The following PDE3B variants were observed in gnomAD, a reference collection of about 807,000 sequenced individuals.
PDE3B encodes the protein phosphodiesterase 3B.
In PDE3B, 66 loss-of-function variants were observed where a neutral mutation model predicts 116.8. The ratio of observed to expected loss-of-function variants is 0.56; its 90% confidence interval spans 0.46 to 0.69. PDE3B has a LOEUF of 0.69. Among genes scored for constraint, PDE3B ranks in the 30% least tolerant of loss-of-function variants. The pLI is 0.00. For missense variants in PDE3B, 1,384 were observed against 1,368.1 expected, an observed-to-expected ratio of 1.01 and a Z score of -0.18; for synonymous variants, 595 against 533.6, an observed-to-expected ratio of 1.12 and a Z score of -1.59.
intron 4 of PDE3B, among the ~76,000 whole-genome samples, chr11:14,790,508 A>C (rs1253552910): frequency 1.3e-5 from 2 of 152,196 alleles, no homozygotes; most frequent in South Asian, 2.1e-4. Flanking sequence ...ACAGCAATGC[A>C]TTTGCAGTTA....
At chr11:14,893,193 A>G in the PDE3B span, among the ~76,000 whole-genome samples, 1 of 152,282 alleles carries the variant, frequency 6.6e-6, no homozygotes, top group African/African-American at 2.4e-5. Context: ...AATAAGAGCA[A>G]CAAAGTCCTT....
chr11:14,652,554 C>G (rs1455795027), intron 1 of PDE3B, among the ~76,000 whole-genome samples: 1 of 152,008 alleles, frequency 6.6e-6, no homozygotes, highest in Non-Finnish European at 1.5e-5. Flanking sequence ...TGGTAAAAAC[C>G]ATAAAATTTA....
At chr11:14,884,671 T>TA in the PDE3B span, among the ~76,000 whole-genome samples, 1 of 151,666 alleles carries the variant, frequency 6.6e-6, no homozygotes, top group African/African-American at 2.4e-5. Context: ...CCCTAAAACT[T>TA]AAAGTATAAT....
chr11:14,717,298 T>C (rs1308875235), intron 1 of PDE3B, among the ~76,000 whole-genome samples: 5 of 119,904 alleles, frequency 4.2e-5, no homozygotes, highest in Non-Finnish European at 6.8e-5. Flanking sequence ...GTCTGATTGG[T>C]GTACCTGAAA....
At position 14,803,985 on chromosome 11, in the gene PDE3B, T is replaced by C; in HGVS notation, c.1457T>C (p.Leu486Pro). The part of the protein sequence containing the change: ...YLNGPFNSNL[L>P]TIPKQRSSSV... The stretch of plus-strand genomic sequence containing the variant: ...AATGGGCCTTTTAATTCAAATCTAC[T>C]GACTATCCCGAAGCAAAGGTCATCT... Residue 486 changes from leucine (L) to proline (P), a missense_variant, in exon 5 of 16, where the codon CTG (leucine) becomes CCG (proline). Physicochemically the swap from Leu to Pro is moderately conservative, Grantham distance 98. This residue lies in a region of PDE3B where 956 missense variants were observed against 806.8 expected (regional missense o/e 1.18). Coordinates refer to ENST00000282096, the MANE Select transcript of PDE3B (RefSeq NM_000922.4). The C allele has an allele frequency of 6.2e-7, 1 of 1,611,544 alleles. No homozygotes were observed. Among genetic ancestry groups the C allele is most frequent in the Non-Finnish European group, 8.5e-7 (1 of 1,177,664 alleles).
chr11:14,651,750 A>G (rs1219179747), intron 1 of PDE3B, among the ~76,000 whole-genome samples: 2 of 152,230 alleles, frequency 1.3e-5, no homozygotes, highest in Non-Finnish European at 2.9e-5. Flanking sequence ...CCAACACACT[A>G]TATTGAAAAG....
chr11:14,882,162 A>G, the PDE3B span, among the ~76,000 whole-genome samples: 1 of 152,086 alleles, frequency 6.6e-6, no homozygotes, highest in African/African-American at 2.4e-5. Flanking sequence ...AACACCTACT[A>G]TGTTCCAGGC....
chr11:14,702,631 T>C (rs1387735347), intron 1 of PDE3B, among the ~76,000 whole-genome samples: 2 of 151,762 alleles, frequency 1.3e-5, no homozygotes, highest in Non-Finnish European at 2.9e-5. Context: ...ACTAGCTACA[T>C]ATGGCTATTA....
chr11:14,714,082 T>A (rs1412847055), intron 1 of PDE3B, among the ~76,000 whole-genome samples: 6 of 152,068 alleles, frequency 3.9e-5, no homozygotes, highest in Non-Finnish European at 8.8e-5. Flanking sequence ...AAAAAATGAC[T>A]GTAGCAGGTT....
At chr11:14,883,682 A>T in the PDE3B span, among the ~76,000 whole-genome samples, 1 of 152,074 alleles carries the variant, frequency 6.6e-6, no homozygotes, top group African/African-American at 2.4e-5. Context: ...AAATTGACAA[A>T]TGGGATCTAA....
At chr11:14,796,039 C>T (rs981933542) in intron 4 of PDE3B, among the ~76,000 whole-genome samples, 9 of 152,238 alleles carry the variant, frequency 5.9e-5, no homozygotes, top group Non-Finnish European at 1.0e-4. Context: ...CCCCACCCCC[C>T]GACAGGCCCT....
At chr11:14,742,637 G>T (rs2133866962) in intron 1 of PDE3B, among the ~76,000 whole-genome samples, 1 of 152,334 alleles carries the variant, frequency 6.6e-6, no homozygotes, top group Admixed American at 6.5e-5. Flanking sequence ...GTGAGGAGTT[G>T]TGATCCTTTA....
intron 13 of PDE3B, 123 bp downstream of exon 13, chr11:14,859,369 A>G (rs1460842621): frequency 1.7e-6 from 1 of 581,736 alleles, no homozygotes; most frequent in African/African-American, 1.9e-5. Context: ...AATAGTTGAT[A>G]TAAAATAATA....
In PDE3B at chr11:14,764,550, A is replaced by G. The variant is rs555743325; in HGVS notation, c.979-7387A>G. On this transcript the variant is annotated intron_variant, in intron 1 of 15. Transcript: ENST00000282096. ...ATATAGTACTGTTTATTAAATGACA[A>G]ATATAAGATGCTACAGCATAATGGT... Among the ~76,000 whole-genome samples the G allele has an allele frequency of 2.0e-4, 31 of 152,234 alleles. No individual in the cohort carries two copies. In the South Asian group the frequency reaches 6.2e-3, roughly 31 times the overall value.
chr11:14,729,005 C>G (rs1478296722), intron 1 of PDE3B, among the ~76,000 whole-genome samples: 1 of 152,086 alleles, frequency 6.6e-6, no homozygotes, highest in African/African-American at 2.4e-5. Context: ...TGAAGAGATA[C>G]CCGTGAACCA....
intron 7 of PDE3B, among the ~76,000 whole-genome samples, chr11:14,829,417 CT>C (rs1859801778): frequency 6.6e-6 from 1 of 151,998 alleles, no homozygotes; most frequent in Admixed American, 6.6e-5. Context: ...AGTTTGGGCT[CT>C]ATCTTATATG....
At chr11:14,812,479 G>A (rs1040568360) in intron 5 of PDE3B, among the ~76,000 whole-genome samples, 1 of 152,102 alleles carries the variant, frequency 6.6e-6, no homozygotes, top group Non-Finnish European at 1.5e-5. Flanking sequence ...CTAAAGCAGT[G>A]CTTTCTTGGG....
intron 1 of PDE3B, among the ~76,000 whole-genome samples, chr11:14,735,492 A>G (rs1371980315): frequency 1.3e-5 from 2 of 152,184 alleles, no homozygotes; most frequent in Admixed American, 1.3e-4. Context: ...TATCAAATAT[A>G]AGGGGATATT....
the PDE3B span, among the ~76,000 whole-genome samples, chr11:14,879,752 G>A: frequency 1.3e-5 from 2 of 152,130 alleles, no homozygotes; most frequent in Non-Finnish European, 2.9e-5. Context: ...AGTAGCCAGT[G>A]CTCTGGGTAG....
Sources: gnomAD v4.1 joint callset for allele counts (sites outside exome capture counted in the v4.1 genomes callset) on GRCh38, gnomAD v4.1.1 for gene constraint, gnomAD v4.1.1 regional missense constraint, MANE v1.5 for transcripts, NCBI Gene and HGNC (gene_info 2026-07-23, HGNC 2026-07-21) for gene names.